The following ESYT2 variants were observed in gnomAD, a reference collection of about 807,000 sequenced individuals.
ESYT2 encodes extended synaptotagmin 2.
Under a neutral mutation model 107.2 loss-of-function variants are expected in ESYT2, and 54 were observed. The ratio of observed to expected loss-of-function variants is 0.50; its 90% confidence interval spans 0.40 to 0.63. The LOEUF (loss-of-function observed/expected upper bound fraction) is 0.63. ESYT2 is among the 30% of genes least tolerant of loss of function. The probability of loss-of-function intolerance (pLI) is 0.00; values close to 1 mark genes in which losing one functional copy is unlikely to be tolerated. For missense variants in ESYT2, 1,020 were observed against 1,094.5 expected, an observed-to-expected ratio of 0.93 and a Z score of 0.96; for synonymous variants, 491 against 434.1, an observed-to-expected ratio of 1.13 and a Z score of -1.63.
At chr7:158,796,578 G>A (rs1433751601) in intron 3 of ESYT2, among the ~76,000 whole-genome samples, 1 of 152,206 alleles carries the variant, frequency 6.6e-6, no homozygotes, top group Non-Finnish European at 1.5e-5. Flanking sequence ...CGAAAAGGGC[G>A]TGCTGACAGA....
rs1278428532 is a variant in ESYT2 at position 158,785,471 on chromosome 7, A to AAATAAATC, written c.747+2532_747+2533insGATTTATT. ...TAAATAAATAAATAAATAAATAAAT[A>AAATAAATC]AATCACCTCCAGTGTCAGGACTAAA... is the stretch of plus-strand genomic sequence containing the variant. On this transcript the variant is annotated intron_variant, in intron 6 of 22. Transcript: ENST00000275418. Among the ~76,000 whole-genome samples the AAATAAATC allele has an allele frequency of 2.5e-3, 349 of 137,544 alleles. 12 individuals carry two copies. In the East Asian group the frequency reaches 0.062, roughly 25 times the overall value. The allele number at this position is 137,544 out of a possible 152,430, so 90.2% of individuals were successfully genotyped here.
At chr7:158,806,011 G>A (rs1000679987) in intron 1 of ESYT2, among the ~76,000 whole-genome samples, 1 of 152,204 alleles carries the variant, frequency 6.6e-6, no homozygotes, top group Non-Finnish European at 1.5e-5. Flanking sequence ...ATGGGCCCCA[G>A]GGACACAGGG....
At chr7:158,768,308 T>G (rs151199810) in intron 7 of ESYT2, among the ~76,000 whole-genome samples, 28 of 152,370 alleles carry the variant, frequency 1.8e-4, no homozygotes, top group African/African-American at 6.3e-4. Context: ...TTGTTCTCTC[T>G]TATCCATTAT....
Position 158,829,333 on chromosome 7 carries a change from A to G in ESYT2, c.86T>C (p.Leu29Pro). 1 of 1,479,916 alleles carries G rather than the reference A, an allele frequency of 6.8e-7. No individual in the cohort carries two copies. Among genetic ancestry groups the G allele is most frequent in the Non-Finnish European group, 8.9e-7 (1 of 1,123,678 alleles). The allele number at this position is 1,479,916 out of a possible 1,614,324, so 91.7% of individuals were successfully genotyped here. A position where few individuals can be genotyped will look rare whatever the true frequency, so the allele number is the denominator to read the frequency against. ...RAAPENPGGV[L>P]SVELPGLLAQ... ...CAGCAGCCCGGGCAGCTCCACGCTC[A>G]GCACGCCCCCGGGGTTCTCAGGCGC... The change falls in exon 1 of 23, where the codon CTG (leucine) becomes CCG (proline). Residue 29 changes from leucine to proline, a missense_variant. Coordinates refer to ENST00000275418, the MANE Select transcript of ESYT2 (RefSeq NM_001367773.1).
chr7:158,743,292 T>TC (rs546072980), intron 17 of ESYT2, among the ~76,000 whole-genome samples: 399 of 152,302 alleles, frequency 2.6e-3, no homozygotes, highest in African/African-American at 8.8e-3. Context: ...GTGGGCCTGC[T>TC]CGGGCAACCT....
intron 1 of ESYT2, among the ~76,000 whole-genome samples, chr7:158,803,136 A>G (rs1023919992): frequency 2.0e-5 from 3 of 152,248 alleles, no homozygotes; most frequent in Non-Finnish European, 4.4e-5. Context: ...GGCAGGCCCC[A>G]CCAGCATAGG....
intron 6 of ESYT2, among the ~76,000 whole-genome samples, chr7:158,777,808 A>C (rs551579057): frequency 6.6e-6 from 1 of 152,316 alleles, no homozygotes; most frequent in Admixed American, 6.5e-5. Flanking sequence ...AAACGATTAC[A>C]TTAGAAACAA....
chr7:158,797,876 GTGT>G, intron 3 of ESYT2, 63 bp downstream of exon 3: 1 of 1,509,122 alleles, frequency 6.6e-7, no homozygotes, highest in Non-Finnish European at 9.0e-7. Context: ...AAAAGAAAAT[GTGT>G]TGTTTTGTGT....
At position 158,829,125 on chromosome 7, in the gene ESYT2, C is replaced by T; in HGVS notation, c.294G>A (p.Val98=). Residue 98 remains valine, a synonymous_variant, in exon 1 of 23, where the codon GTG becomes GTA. Transcript: ENST00000275418. ...GGTCGCAGGCGCGCACCCCCAGGCGCACGACGCGCTCCTCGTCTTCCAGCA... is the reference window on the plus strand; with the variant it reads ...GGTCGCAGGCGCGCACCCCCAGGCGTACGACGCGCTCCTCGTCTTCCAGCA... ...LALLEDEERV[V]RLGVRACDLP... 1.3e-6 allele frequency: 2 copies of T among 1,575,894 alleles called. No individual in the cohort carries two copies. Among genetic ancestry groups the T allele is most frequent in the Non-Finnish European group, 1.7e-6 (2 of 1,170,208 alleles).
rs117922326 is a variant in ESYT2 at position 158,759,165 on chromosome 7, A to T, written c.1419+321T>A. 2.4e-3 allele frequency among the ~76,000 whole-genome samples: 373 copies of T among 152,322 alleles called. 5 individuals are homozygous for T. Among genetic ancestry groups the T allele is most frequent in the Non-Finnish European group, 3.4e-3 (229 of 68,016 alleles). On this transcript the variant is annotated intron_variant, in intron 13 of 22. Coordinates refer to ENST00000275418, the MANE Select transcript of ESYT2 (RefSeq NM_001367773.1). ...GCTTCATTTTATTCCCATTCCAAAG[A>T]GAGACAATTTCCATCCTAAGGCAAC...
At chr7:158,825,470 T>C (rs1179858005) in intron 1 of ESYT2, among the ~76,000 whole-genome samples, 1 of 152,186 alleles carries the variant, frequency 6.6e-6, no homozygotes, top group Non-Finnish European at 1.5e-5. Flanking sequence ...TAACTGTTCA[T>C]GGGAAAAGAA....
chr7:158,751,075 T>C (rs1405045877), intron 14 of ESYT2, among the ~76,000 whole-genome samples: 3 of 152,238 alleles, frequency 2.0e-5, no homozygotes, highest in South Asian at 2.1e-4. Context: ...TTAAAACATA[T>C]ACTTTTTTTT....
intron 18 of ESYT2, 70 bp from the exon 19 acceptor site, chr7:158,739,191 G>A: frequency 1.6e-6 from 2 of 1,279,958 alleles, no homozygotes; most frequent in South Asian, 1.3e-5. Flanking sequence ...TTGGTCCACT[G>A]TACACGATAA....
intron 1 of ESYT2, among the ~76,000 whole-genome samples, chr7:158,822,966 G>C (rs1309247690): frequency 1.3e-5 from 2 of 151,978 alleles, no homozygotes; most frequent in Non-Finnish European, 2.9e-5. Context: ...ACCTCACTTT[G>C]CACTATAACT....
chr7:158,799,826 A>G (rs1369925500), intron 1 of ESYT2, among the ~76,000 whole-genome samples: 1 of 152,068 alleles, frequency 6.6e-6, no homozygotes, highest in East Asian at 1.9e-4. Flanking sequence ...GGGTTTGTAC[A>G]GGAGAAAAGA....
In ESYT2 at chr7:158,806,743, G is replaced by C. The variant is rs1839843367; in HGVS notation, c.331-7671C>G. Among the ~76,000 whole-genome samples the C allele has an allele frequency of 2.0e-5, 3 of 152,154 alleles. No homozygotes were observed. The South Asian group carries it at 6.2e-4, about 32-fold the overall frequency. ...TAATCGTGATTTAAGCTGAAGTTCT[G>C]GCATGAGTTACATCAATATCACAAA... On this transcript the variant is annotated intron_variant, in intron 1 of 22. Transcript: ENST00000275418.
chr7:158,801,718 A>ACT (rs1161454571), intron 1 of ESYT2, among the ~76,000 whole-genome samples: 1 of 152,220 alleles, frequency 6.6e-6, no homozygotes, highest in Non-Finnish European at 1.5e-5. Context: ...TATGAACTAG[A>ACT]AATAATCATT....
intron 4 of ESYT2, among the ~76,000 whole-genome samples, chr7:158,788,625 C>T (rs1333549944): frequency 6.6e-6 from 1 of 152,108 alleles, no homozygotes; most frequent in Non-Finnish European, 1.5e-5. Context: ...ACTGCTATGA[C>T]GTTGGGAGGA....
intron 5 of ESYT2, 115 bp from the exon 6 acceptor site, chr7:158,788,208 T>G (rs1839173719): frequency 8.6e-7 from 1 of 1,166,920 alleles, no homozygotes; most frequent in African/African-American, 1.6e-5. Context: ...TTCTTATTTA[T>G]CTCAACTATG....
Sources: allele counts gnomAD v4.1 joint callset (sites outside exome capture counted in the v4.1 genomes callset), GRCh38; gene constraint gnomAD v4.1.1; transcripts MANE v1.5; gene names NCBI Gene and HGNC (gene_info 2026-07-23, HGNC 2026-07-21).